ABCD3: variants seen among roughly 807,000 people sequenced by gnomAD.
ABCD3 encodes the protein ATP-binding cassette sub-family D member 3.
Under a neutral mutation model 105.5 loss-of-function variants are expected in ABCD3, and 41 were observed. The observed-to-expected ratio is 0.39, with a 90% CI of 0.30 to 0.50. The LOEUF (loss-of-function observed/expected upper bound fraction) is 0.50. ABCD3 is among the 20% of genes least tolerant of loss of function. The pLI is 0.84. For missense variants in ABCD3, 622 were observed against 806.3 expected, an observed-to-expected ratio of 0.77 and a Z score of 2.77; for synonymous variants, 258 against 269.0, an observed-to-expected ratio of 0.96 and a Z score of 0.40.
chr1:94,467,861 A>G (rs1271119865), intron 3 of ABCD3, 58 bp from the exon 4 acceptor site: 8 of 1,269,332 alleles, frequency 6.3e-6, no homozygotes, highest in African/African-American at 1.5e-5. Context: ...CCAAGGTAAT[A>G]TTTCTTTGAA....
intron 4 of ABCD3, among the ~76,000 whole-genome samples, chr1:94,469,376 A>G (rs1007072086): frequency 1.3e-5 from 2 of 151,942 alleles, no homozygotes; most frequent in African/African-American, 2.4e-5. Context: ...TATTGTTTAC[A>G]TGATTTTGAC....
intron 20 of ABCD3, among the ~76,000 whole-genome samples, chr1:94,506,111 G>A (rs1650337673): frequency 1.3e-5 from 2 of 152,074 alleles, no homozygotes; most frequent in African/African-American, 4.8e-5. Context: ...AAAAATTATT[G>A]GTGAGAATAT....
At chr1:94,412,833 TATG>T in the ABCD3 span, among the ~76,000 whole-genome samples, 1 of 152,250 alleles carries the variant, frequency 6.6e-6, no homozygotes, top group East Asian at 1.9e-4. Flanking sequence ...TTTGTATCTC[TATG>T]ATAAGAGTAA....
chr1:94,458,965 C>G (rs1647730219), intron 2 of ABCD3, among the ~76,000 whole-genome samples: 1 of 128,648 alleles, frequency 7.8e-6, no homozygotes, highest in Non-Finnish European at 1.6e-5. Context: ...CCGCTTCCCT[C>G]CCCTCCTCCA....
chr1:94,498,133 A>G (rs1331842280), intron 16 of ABCD3, among the ~76,000 whole-genome samples: 1 of 152,124 alleles, frequency 6.6e-6, no homozygotes, highest in African/African-American at 2.4e-5. Flanking sequence ...AGGTGACATC[A>G]TAGCTCACTG....
intron 1 of ABCD3, among the ~76,000 whole-genome samples, chr1:94,438,202 G>A (rs950531755): frequency 6.6e-6 from 1 of 151,664 alleles, no homozygotes; most frequent in African/African-American, 2.4e-5. Flanking sequence ...CAGGGGAATC[G>A]CTTGAACCTG....
chr1:94,449,587 C>G (rs192715639), intron 1 of ABCD3, among the ~76,000 whole-genome samples: 2 of 152,068 alleles, frequency 1.3e-5, no homozygotes, highest in Non-Finnish European at 2.9e-5. Flanking sequence ...TGAGGCATAC[C>G]GCCCTCAAAA....
At chr1:94,408,008 G>A in the ABCD3 span, among the ~76,000 whole-genome samples, 1 of 152,234 alleles carries the variant, frequency 6.6e-6, no homozygotes, top group Non-Finnish European at 1.5e-5. Context: ...TGGTGGCTGA[G>A]GTTCTCTGGC....
At chr1:94,448,545 T>G (rs1660445402) in intron 1 of ABCD3, among the ~76,000 whole-genome samples, 2 of 152,212 alleles carry the variant, frequency 1.3e-5, no homozygotes, top group African/African-American at 2.4e-5. Context: ...AAAGCGGAGC[T>G]TTTGTAGCTG....
chr1:94,510,807 C>T (rs1408811304), intron 21 of ABCD3, among the ~76,000 whole-genome samples: 1 of 151,976 alleles, frequency 6.6e-6, no homozygotes, highest in Non-Finnish European at 1.5e-5. Context: ...AGGCTAGGAT[C>T]ACAACCCCTG....
chr1:94,505,557 A>G (rs1162079113), intron 20 of ABCD3, among the ~76,000 whole-genome samples: 1 of 151,952 alleles, frequency 6.6e-6, no homozygotes, highest in Non-Finnish European at 1.5e-5. Context: ...TGAGTGAGAG[A>G]TGCATATTGC....
the ABCD3 span, among the ~76,000 whole-genome samples, chr1:94,404,339 C>T: frequency 6.6e-6 from 1 of 152,144 alleles, no homozygotes. Context: ...TATCCACAAC[C>T]CTGCACAAGA....
At chr1:94,435,062 A>G (rs1294151474) in intron 1 of ABCD3, among the ~76,000 whole-genome samples, 1 of 152,132 alleles carries the variant, frequency 6.6e-6, no homozygotes, top group Non-Finnish European at 1.5e-5. Context: ...TCCCTGAAGC[A>G]GCCAGTTATT....
chr1:94,448,136 C>T (rs1207315552), intron 1 of ABCD3, among the ~76,000 whole-genome samples: 1 of 152,168 alleles, frequency 6.6e-6, no homozygotes, highest in African/African-American at 2.4e-5. Context: ...AGTAGAGTGG[C>T]TTTTTCTTCC....
chr1:94,483,274 G>C lies in ABCD3; in HGVS notation c.897+35G>C, dbSNP rs774235805. 3 of 1,556,550 alleles carry C rather than the reference G, an allele frequency of 1.9e-6. No individual in the cohort carries two copies. In the South Asian group the frequency reaches 3.3e-5, roughly 17 times the overall value. ...CACACTTGAGGTTCATGTGTTTATG[G>C]AAAGGGTTTTTTTTGTTTGTTTGTT... is the stretch of plus-strand genomic sequence containing the variant. On this transcript the variant is annotated intron_variant, in intron 10 of 22. Coordinates refer to ENST00000370214, the MANE Select transcript of ABCD3 (RefSeq NM_002858.4).
the ABCD3 span, among the ~76,000 whole-genome samples, chr1:94,391,918 C>T: frequency 6.6e-6 from 1 of 152,098 alleles, no homozygotes; most frequent in African/African-American, 2.4e-5. Context: ...GGGAGGAGAC[C>T]AATCAGAGGT....
intron 1 of ABCD3, among the ~76,000 whole-genome samples, chr1:94,423,106 C>A (rs1436981250): frequency 2.6e-5 from 4 of 152,134 alleles, no homozygotes; most frequent in Admixed American, 6.5e-5. Context: ...GGCTTTGGAG[C>A]TTTATTCATG....
chr1:94,412,550 G>C, the ABCD3 span, among the ~76,000 whole-genome samples: 1 of 152,236 alleles, frequency 6.6e-6, no homozygotes, highest in African/African-American at 2.4e-5. Flanking sequence ...ATTTAGAAAA[G>C]TTCCCAATTC....
chr1:94,515,279 A>T, intron 22 of ABCD3, 77 bp downstream of exon 22: 1 of 1,239,852 alleles, frequency 8.1e-7, no homozygotes. Context: ...ATATGGTTTT[A>T]GATTTTATGG....
Sources: gnomAD v4.1 joint callset for allele counts (sites outside exome capture counted in the v4.1 genomes callset) on GRCh38, gnomAD v4.1.1 for gene constraint, MANE v1.5 for transcripts, NCBI Gene and HGNC (gene_info 2026-07-23, HGNC 2026-07-21) for gene names.